XPR1: variants seen among roughly 807,000 people sequenced by gnomAD.
XPR1 encodes the protein solute carrier family 53 member 1.
Under a neutral mutation model 87.5 loss-of-function variants are expected in XPR1, and 28 were observed. The ratio of observed to expected loss-of-function variants is 0.32; its 90% CI spans 0.24 to 0.44. XPR1 has a LOEUF of 0.44. Ranked by LOEUF, XPR1 falls within the 20% of genes least tolerant of loss-of-function variation. XPR1 has a pLI of 1.00. For missense variants in XPR1, 559 were observed against 862.3 expected (o/e 0.65, Z 4.41); for synonymous variants, 300 against 306.1 (o/e 0.98, Z 0.21).
intron 7 of XPR1, among the ~76,000 whole-genome samples, chr1:180,816,806 A>G (rs1305382151): frequency 1.3e-5 from 2 of 152,242 alleles, no homozygotes; most frequent in Non-Finnish European, 1.5e-5. Flanking sequence ...TAAATGACTT[A>G]CTGATTTATG....
chr1:180,747,648 A>T (rs1441743260), intron 2 of XPR1, among the ~76,000 whole-genome samples: 1 of 152,242 alleles, frequency 6.6e-6, no homozygotes, highest in African/African-American at 2.4e-5. Context: ...ATTACATGAT[A>T]CAGAAAAATT....
intron 2 of XPR1, among the ~76,000 whole-genome samples, chr1:180,703,625 C>T (rs1310445608): frequency 6.6e-6 from 1 of 152,054 alleles, no homozygotes; most frequent in Non-Finnish European, 1.5e-5. Flanking sequence ...CCCTCATGCC[C>T]CCAGATTTTT....
At chr1:180,682,123 G>C (rs1254948104) in intron 1 of XPR1, among the ~76,000 whole-genome samples, 1 of 151,966 alleles carries the variant, frequency 6.6e-6, no homozygotes, top group African/African-American at 2.4e-5. Context: ...TCCTTTTCCA[G>C]CTGTTCCTTA....
intron 7 of XPR1, among the ~76,000 whole-genome samples, chr1:180,822,373 T>G (rs1276698260): frequency 1.3e-5 from 2 of 152,224 alleles, no homozygotes; most frequent in Non-Finnish European, 2.9e-5. Flanking sequence ...TCTATTTCCT[T>G]AAGGTCATCT....
At chr1:180,807,775 C>A (rs1016805562) in intron 6 of XPR1, among the ~76,000 whole-genome samples, 10 of 152,130 alleles carry the variant, frequency 6.6e-5, no homozygotes, top group Non-Finnish European at 1.5e-5. Flanking sequence ...GAGGCTGAGG[C>A]AGGTGGATCA....
In XPR1 at chr1:180,884,757, A is replaced by T. The variant is rs1408276939; in HGVS notation, c.*691A>T. The T allele has an allele frequency of 6.5e-6, 1 of 152,688 alleles. No individual in the cohort carries two copies. Among genetic ancestry groups the T allele is most frequent in the African/African-American group, 2.4e-5 (1 of 41,464 alleles). 9.5% of individuals were successfully genotyped at this position (152,688 alleles called of 1,614,324 possible). ...GCAATGAAGGTGATAACAGTAAAAG[A>T]AGGCAGGGGAAACTTACGTTGGATG... On this transcript the variant is annotated 3_prime_UTR_variant, in exon 15 of 15. Coordinates refer to ENST00000367590, the MANE Select transcript of XPR1 (RefSeq NM_004736.4).
intron 2 of XPR1, among the ~76,000 whole-genome samples, chr1:180,785,850 T>C (rs1649118056): frequency 1.3e-5 from 2 of 151,630 alleles, no homozygotes; most frequent in South Asian, 4.2e-4. Flanking sequence ...TAGAATAAGC[T>C]GTTACTCTTA....
intron 3 of XPR1, among the ~76,000 whole-genome samples, chr1:180,799,631 A>G (rs1649708262): frequency 6.6e-6 from 1 of 152,148 alleles, no homozygotes; most frequent in African/African-American, 2.4e-5. Flanking sequence ...ATCCATATCA[A>G]GAATGCTTTT....
intron 2 of XPR1, among the ~76,000 whole-genome samples, chr1:180,781,408 G>A (rs953455900): frequency 8.6e-5 from 13 of 151,892 alleles, no homozygotes; most frequent in Non-Finnish European, 1.5e-4. Flanking sequence ...ATATTTGATG[G>A]TGTTGATAGT....
chr1:180,803,967 T>C (rs141399320), intron 4 of XPR1, among the ~76,000 whole-genome samples: 1 of 151,942 alleles, frequency 6.6e-6, no homozygotes, highest in Admixed American at 6.6e-5. Context: ...TGTAAGGGCT[T>C]TTCTTTTTTT....
chr1:180,640,244 T>C (rs1654922023), intron 1 of XPR1, among the ~76,000 whole-genome samples: 1 of 152,200 alleles, frequency 6.6e-6, no homozygotes, highest in Non-Finnish European at 1.5e-5. Context: ...TATATGGAAA[T>C]TGTAAATAAC....
chr1:180,725,391 A>G lies in XPR1; in HGVS notation c.121+42980A>G, dbSNP rs112993626. 7.9e-3 allele frequency among the ~76,000 whole-genome samples: 1,210 copies of G among 152,218 alleles called. 10 individuals carry two copies. The highest frequency in any genetic ancestry group is 0.011 in the Non-Finnish European group (720 of 68,000). ...GTAAAGGGTAAAAATTTGGGGGAAA[A>G]AAAGGATGTGGAGTGATTTAGTGGT... On this transcript the variant is annotated intron_variant, in intron 2 of 14. Coordinates refer to ENST00000367590, the MANE Select transcript of XPR1 (RefSeq NM_004736.4).
chr1:180,862,243 T>A (rs1652247250), intron 11 of XPR1, among the ~76,000 whole-genome samples: 1 of 152,074 alleles, frequency 6.6e-6, no homozygotes, highest in African/African-American at 2.4e-5. Context: ...AAAATACAGA[T>A]CTGATCCTAA....
chr1:180,643,416 G>T (rs61809305), intron 1 of XPR1, among the ~76,000 whole-genome samples: 2 of 152,074 alleles, frequency 1.3e-5, no homozygotes, highest in South Asian at 4.2e-4. Flanking sequence ...TATTAGTGGC[G>T]TTCTAGATTT....
chr1:180,833,693 C>T (rs1439121445), intron 9 of XPR1, among the ~76,000 whole-genome samples: 1 of 152,132 alleles, frequency 6.6e-6, no homozygotes, highest in East Asian at 1.9e-4. Flanking sequence ...AAAAGCTAAA[C>T]AATTCTTCAG....
At chr1:180,840,856 C>T (rs1245089187) in intron 11 of XPR1, among the ~76,000 whole-genome samples, 1 of 151,608 alleles carries the variant, frequency 6.6e-6, no homozygotes, top group Non-Finnish European at 1.5e-5. Context: ...AGATGCATGA[C>T]CAGGTAGATA....
intron 2 of XPR1, among the ~76,000 whole-genome samples, chr1:180,729,798 G>C (rs995001838): frequency 1.3e-5 from 2 of 152,040 alleles, no homozygotes; most frequent in Non-Finnish European, 1.5e-5. Flanking sequence ...CTGGATATTA[G>C]ACTTTGGTTG....
chr1:180,864,539 A>G (rs1052165948), intron 12 of XPR1, among the ~76,000 whole-genome samples: 1 of 151,922 alleles, frequency 6.6e-6, no homozygotes, highest in African/African-American at 2.4e-5. Flanking sequence ...GGAGTGGCTG[A>G]CTCTGCTTGA....
chr1:180,712,000 C>G (rs1487852110), intron 2 of XPR1, among the ~76,000 whole-genome samples: 1 of 152,074 alleles, frequency 6.6e-6, no homozygotes, highest in Non-Finnish European at 1.5e-5. Context: ...CAGTAGTTGC[C>G]CCTTATCTGC....
Sources: gnomAD v4.1 joint callset for allele counts (sites outside exome capture counted in the v4.1 genomes callset) on GRCh38, gnomAD v4.1.1 for gene constraint, MANE v1.5 for transcripts, NCBI Gene and HGNC (gene_info 2026-07-23, HGNC 2026-07-21) for gene names.